MTA3: variants seen among roughly 807,000 people sequenced by gnomAD.
MTA3 encodes the protein metastasis-associated protein MTA3.
In MTA3, 34 loss-of-function variants were observed where a neutral mutation model predicts 83.5. The ratio of observed to expected loss-of-function variants is 0.41; its 90% CI spans 0.31 to 0.54. MTA3 has a LOEUF of 0.54. Ranked by LOEUF, MTA3 falls within the 20% of genes least tolerant of loss-of-function variation. The pLI is 0.33. For missense variants in MTA3, 761 were observed against 726.4 expected, an observed-to-expected ratio of 1.05 and a Z score of -0.55; for synonymous variants, 303 against 252.7, an observed-to-expected ratio of 1.20 and a Z score of -1.89.
At chr2:42,626,964 C>A (rs1686166247) in intron 4 of MTA3, among the ~76,000 whole-genome samples, 1 of 152,164 alleles carries the variant, frequency 6.6e-6, no homozygotes, top group South Asian at 2.1e-4. Flanking sequence ...TGGCTTCAAA[C>A]TCCTGACCTC....
chr2:42,541,750 C>G (rs1318774964), intron 2 of MTA3, among the ~76,000 whole-genome samples: 1 of 152,188 alleles, frequency 6.6e-6, no homozygotes, highest in South Asian at 2.1e-4. Context: ...TTATAGCTGT[C>G]AGTATATCCC....
At chr2:42,725,407 A>G (rs892227652) in intron 16 of MTA3, among the ~76,000 whole-genome samples, 3 of 152,236 alleles carry the variant, frequency 2.0e-5, no homozygotes, top group Non-Finnish European at 2.9e-5. Context: ...TGGCTCTCAA[A>G]TGCACTGTAT....
At chr2:42,710,567 A>G (rs909897233) in intron 14 of MTA3, among the ~76,000 whole-genome samples, 2 of 151,288 alleles carry the variant, frequency 1.3e-5, no homozygotes, top group African/African-American at 2.4e-5. Flanking sequence ...AAAAAAAAAA[A>G]AAAAAAAGAA....
intron 9 of MTA3, among the ~76,000 whole-genome samples, chr2:42,683,699 G>A (rs184871554): frequency 2.2e-4 from 33 of 152,170 alleles, no homozygotes; most frequent in Non-Finnish European, 4.0e-4. Flanking sequence ...TAGATCCCTC[G>A]CATGCACAGT....
At chr2:42,711,794 G>GTGTGTGTGTGTT (rs1666644463) in intron 14 of MTA3, among the ~76,000 whole-genome samples, 1 of 151,548 alleles carries the variant, frequency 6.6e-6, no homozygotes, top group Non-Finnish European at 1.5e-5. Context: ...GTGTGTGTGT[G>GTGTGTGTGTGTT]TGTGTGTGTG....
At chr2:42,646,631 C>T (rs778524745) in intron 6 of MTA3, among the ~76,000 whole-genome samples, 11 of 152,080 alleles carry the variant, frequency 7.2e-5, no homozygotes, top group Non-Finnish European at 1.3e-4. Flanking sequence ...CTACAGTGAG[C>T]GTGGGCCCTG....
intron 3 of MTA3, among the ~76,000 whole-genome samples, chr2:42,593,532 C>T (rs1681298799): frequency 1.3e-5 from 2 of 152,102 alleles, no homozygotes; most frequent in African/African-American, 4.8e-5. Flanking sequence ...CATGATATTA[C>T]CGCTATAGTG....
chr2:42,541,392 G>A (rs190188552), intron 2 of MTA3, among the ~76,000 whole-genome samples: 13 of 152,312 alleles, frequency 8.5e-5, no homozygotes, highest in African/African-American at 3.1e-4. Context: ...ATGATGGGCA[G>A]TGGCAGGAAG....
rs10659582 is a variant in MTA3 at position 42,531,445 on chromosome 2, C to CTTT, written c.-141+36214_-141+36216dup. Among the ~76,000 whole-genome samples, 439 of 75,382 alleles carry CTTT rather than the reference C, an allele frequency of 5.8e-3. 14 individuals are homozygous for CTTT. Among genetic ancestry groups the CTTT allele is most frequent in the Non-Finnish European group, 6.5e-3 (282 of 43,356 alleles). The allele number at this position is 75,382 out of a possible 152,430, so 49.5% of individuals were successfully genotyped here. A position where few individuals can be genotyped will look rare whatever the true frequency, so the allele number is the denominator to read the frequency against. On this transcript the variant is annotated intron_variant, in intron 2 of 17. Coordinates refer to the MTA3 transcript ENST00000405592. ...TTTTAGTAGGATTCAGAAGCAAACT[C>CTTT]TTTTTTTTTTTTTTTTTTTTTTTTT...
chr2:42,506,809 G>T (rs1298671293), intron 2 of MTA3, among the ~76,000 whole-genome samples: 1 of 151,966 alleles, frequency 6.6e-6, no homozygotes, highest in South Asian at 2.1e-4. Flanking sequence ...GTTTCACCAT[G>T]TTGGCCAGGC....
chr2:42,611,341 C>CACACACACACACACCCT (rs1462110821), intron 4 of MTA3, among the ~76,000 whole-genome samples: 1 of 149,514 alleles, frequency 6.7e-6, no homozygotes, highest in Admixed American at 6.7e-5. Flanking sequence ...ACACACACAC[C>CACACACACACACACCCT]CCCTCACACA....
Position 42,756,862 on chromosome 2 carries a change from A to G in MTA3, c.*3463A>G. On this transcript the variant is annotated 3_prime_UTR_variant, in exon 17 of 17. Coordinates refer to ENST00000405094, the MANE Select transcript of MTA3 (RefSeq NM_001330442.2). Reference sequence around the variant, plus strand: ...CAGGATAATTCGTTCTGAGCATGATACCACAGTGTGGATTGTCTGTCTGTA... The same window carrying G: ...CAGGATAATTCGTTCTGAGCATGATGCCACAGTGTGGATTGTCTGTCTGTA... The G allele has an allele frequency of 1.0e-6, 1 of 985,420 alleles. No individual in the cohort carries two copies. Among genetic ancestry groups the G allele is most frequent in the Non-Finnish European group, 1.2e-6 (1 of 829,934 alleles). The allele number at this position is 985,420 out of a possible 1,614,324, so 61.0% of individuals were successfully genotyped here. A position where few individuals can be genotyped will look rare whatever the true frequency, so the allele number is the denominator to read the frequency against.
At chr2:42,585,640 A>T (rs1219005615) in intron 3 of MTA3, among the ~76,000 whole-genome samples, 1 of 151,726 alleles carries the variant, frequency 6.6e-6, no homozygotes, top group Non-Finnish European at 1.5e-5. Flanking sequence ...ACGCCTGGTT[A>T]ATTTTTGTAT....
intron 8 of MTA3, among the ~76,000 whole-genome samples, chr2:42,679,662 C>T (rs1691691547): frequency 6.6e-6 from 1 of 152,182 alleles, no homozygotes; most frequent in South Asian, 2.1e-4. Flanking sequence ...CAGCTGCCTA[C>T]AGGAAATATA....
rs1200870285 is a variant in MTA3, at chr2:42,519,023, ACACACACG to A, written c.-141+23770_-141+23777del. On this transcript the variant is annotated intron_variant, in intron 2 of 17. Coordinates refer to the MTA3 transcript ENST00000405592. The stretch of plus-strand genomic sequence containing the variant: ...CACACACACACACACACACACACAC[ACACACACG>A]AATATAGTATGGAAAGGTGGGGGAA... Among the ~76,000 whole-genome samples the A allele has an allele frequency of 1.2e-4, 14 of 119,870 alleles. No individual in the cohort carries two copies. The South Asian group carries it at 1.5e-3, about 12-fold the overall frequency. The allele number at this position is 119,870 out of a possible 152,430, so 78.6% of individuals were successfully genotyped here. A position where few individuals can be genotyped will look rare whatever the true frequency, so the allele number is the denominator to read the frequency against.
chr2:42,756,619 G>T lies in MTA3; in HGVS notation c.*3220G>T, dbSNP rs1195415547. ...GTTTTACTCTGCCTAGAGAGGAAAC[G>T]GCTTTGGGGAGGGAGGGGGAAGCCT... On this transcript the variant is annotated 3_prime_UTR_variant, in exon 17 of 17. Coordinates refer to ENST00000405094, the MANE Select transcript of MTA3 (RefSeq NM_001330442.2). 1 of 985,562 alleles carries T rather than the reference G, an allele frequency of 1.0e-6. No individual in the cohort carries two copies. Among genetic ancestry groups the T allele is most frequent in the African/African-American group, 1.7e-5 (1 of 57,356 alleles). 61.1% of individuals were successfully genotyped at this position (985,562 alleles called of 1,614,324 possible).
chr2:42,629,923 G>A (rs1029096275), intron 4 of MTA3, among the ~76,000 whole-genome samples: 1 of 151,836 alleles, frequency 6.6e-6, no homozygotes, highest in Non-Finnish European at 1.5e-5. Context: ...GGATTACAGC[G>A]GCCTGTCACC....
chr2:42,724,636 TCACA>T (rs10560395), intron 16 of MTA3, among the ~76,000 whole-genome samples: 5 of 141,762 alleles, frequency 3.5e-5, no homozygotes, highest in East Asian at 4.4e-4. Context: ...AGAGACCCCA[TCACA>T]CACACACACA....
intron 9 of MTA3, among the ~76,000 whole-genome samples, chr2:42,689,830 G>T (rs1193355000): frequency 7.9e-5 from 4 of 50,798 alleles, no homozygotes; most frequent in Admixed American, 2.3e-4. Flanking sequence ...CAGTGTTGTT[G>T]AACTTTGCAA....
Sources: gnomAD v4.1 joint callset for allele counts (sites outside exome capture counted in the v4.1 genomes callset) on GRCh38, gnomAD v4.1.1 for gene constraint, MANE v1.5 for transcripts, NCBI Gene and HGNC (gene_info 2026-07-23, HGNC 2026-07-21) for gene names.